The following PEAR1 variants were observed in gnomAD, a reference collection of about 807,000 sequenced individuals.
The protein encoded by PEAR1 is platelet endothelial aggregation receptor 1, also known as multiple EGF-like domains protein 12.
In PEAR1, 113 loss-of-function variants were observed where a neutral mutation model predicts 131.2. The ratio of observed to expected loss-of-function variants is 0.86; its 90% CI spans 0.74 to 1.01. The LOEUF (loss-of-function observed/expected upper bound fraction) is 1.01. Among genes scored for constraint, PEAR1 ranks in the 50% least tolerant of loss-of-function variants. The pLI, the probability that PEAR1 is intolerant of heterozygous loss-of-function variation, is 0.00. For missense variants in PEAR1, 1,408 were observed against 1,391.1 expected, an observed-to-expected ratio of 1.01 and a Z score of -0.19; for synonymous variants, 565 against 523.3, an observed-to-expected ratio of 1.08 and a Z score of -1.09.
intron 1 of PEAR1, among the ~76,000 whole-genome samples, chr1:156,899,826 G>A (rs970146014): frequency 1.3e-5 from 2 of 152,158 alleles, no homozygotes; most frequent in African/African-American, 2.4e-5. Context: ...GGCAGGGGTT[G>A]GGGGTGCAGA....
At position 156,906,830 on chromosome 1, in the gene PEAR1, C is replaced by T. The variant is rs757527790; in HGVS notation, c.594C>T (p.Cys198=). The change falls in exon 6 of 23, where the codon TGC becomes TGT. Residue 198 remains cysteine, a synonymous_variant. Transcript: ENST00000292357. ...QFRCQCHGAP[C]DPQTGACFCP... is the part of the protein sequence containing the mutation. ...GCTGCCAGTGCCATGGGGCACCCTG[C>T]GATCCCCAGACTGGAGCCTGCTTCT... 27 of 1,614,050 alleles carry T rather than the reference C, an allele frequency of 1.7e-5. No homozygotes were observed. The highest frequency in any genetic ancestry group is 5.3e-5 in the African/African-American group (4 of 74,948).
At chr1:156,905,086 G>GGC (rs1314102544) in intron 3 of PEAR1, 1 of 1,365,454 alleles carries the variant, frequency 7.3e-7, no homozygotes. Context: ...TGGGGTTGGG[G>GGC]GGGGGGCAAG....
At chr1:156,896,035 T>TCA (rs1649128771) in intron 1 of PEAR1, among the ~76,000 whole-genome samples, 2 of 152,048 alleles carry the variant, frequency 1.3e-5, no homozygotes. Flanking sequence ...TGAGCCATGA[T>TCA]CACGCCACTG....
Position 156,912,871 on chromosome 1 carries a change from C to G in PEAR1, c.2311C>G (p.Leu771Val), listed in dbSNP as rs1418083325. Residue 771 changes from leucine (L) to valine (V), a missense_variant, in exon 18 of 23, where the codon CTG becomes GTG. Transcript: ENST00000292357. ...AGTGCTGGGGTCCCTTGTGGTAGCC[C>G]TGGTGGCACTGTTCATTGGCTATCG... ...IAVLGSLVVA[L>V]VALFIGYRHW... 3 of 1,614,108 alleles carry G rather than the reference C, an allele frequency of 1.9e-6. No individual in the cohort carries two copies. The highest frequency in any genetic ancestry group is 2.5e-6 in the Non-Finnish European group (3 of 1,180,046).
chr1:156,915,453 G>C lies in PEAR1; in HGVS notation c.*655G>C, dbSNP rs1651776128. 1 of 152,198 alleles carries C rather than the reference G, an allele frequency of 6.6e-6. No homozygotes were observed. 9.4% of individuals were successfully genotyped at this position (152,198 alleles called of 1,614,324 possible). A position where few individuals can be genotyped will look rare whatever the true frequency, so the allele number is the denominator to read the frequency against. ...CAGCCTCACCTTGAACTGTGTTCCT[G>C]TCACTGCACGCCAGTCACACCGGCC... On this transcript the variant is annotated 3_prime_UTR_variant, in exon 23 of 23. Transcript: ENST00000292357.
chr1:156,896,296 C>A (rs1246225607), intron 1 of PEAR1, among the ~76,000 whole-genome samples: 1 of 152,142 alleles, frequency 6.6e-6, no homozygotes, highest in Non-Finnish European at 1.5e-5. Flanking sequence ...TTTAACGAGG[C>A]GCAGTAATTA....
rs1457799414 is a variant in PEAR1, at chr1:156,908,145, C to T, written c.920C>T (p.Pro307Leu). Reference sequence around the variant, plus strand: ...GTGCCCAGGTGCCGGGAGGAGTGCCCGGTGGGCCGCTTTGGGCAGGACTGT... The same window carrying T: ...GTGCCCAGGTGCCGGGAGGAGTGCCTGGTGGGCCGCTTTGGGCAGGACTGT... Reference protein sequence around the residue: ...YTGDRCREECPVGRFGQDCAE... With the variant: ...YTGDRCREECLVGRFGQDCAE... The change falls in exon 9 of 23, where the codon CCG (proline) becomes CTG (leucine). Residue 307 changes from proline to leucine, a missense_variant. By Grantham distance (98) the Pro-to-Leu change is moderately conservative. Coordinates refer to ENST00000292357, the MANE Select transcript of PEAR1 (RefSeq NM_001080471.3). This position sits in a 1 kb window ranked among gnomAD's most constrained non-coding sequence, Gnocchi z 4.2. 3 of 1,598,120 alleles carry T rather than the reference C, an allele frequency of 1.9e-6. No homozygotes were observed. Among genetic ancestry groups the T allele is most frequent in the Admixed American group, 1.7e-5 (1 of 59,548 alleles).
chr1:156,912,581 G>C lies in PEAR1; in HGVS notation c.2168G>C (p.Cys723Ser). 2 of 1,614,068 alleles carry C rather than the reference G, an allele frequency of 1.2e-6. No homozygotes were observed. Among genetic ancestry groups the C allele is most frequent in the Non-Finnish European group, 8.5e-7 (1 of 1,180,016 alleles). The change falls in exon 17 of 23, where the codon TGT becomes TCT. Residue 723 changes from cysteine to serine, a missense_variant. By Grantham distance (112) the Cys-to-Ser change is moderately radical. Coordinates refer to ENST00000292357, the MANE Select transcript of PEAR1 (RefSeq NM_001080471.3). ...AAGTGCCACCCAGAGACTGGGGCCT[G>C]TGTATGTCCCCCAGGGCACAGTGGT... ...GEKCHPETGA[C>S]VCPPGHSGAP...
intron 22 of PEAR1, 133 bp from the exon 23 acceptor site, chr1:156,914,514 G>A (rs1651663809): frequency 1.2e-6 from 1 of 856,714 alleles, no homozygotes; most frequent in South Asian, 1.9e-5. Flanking sequence ...GTAAACTGGT[G>A]TATGTATCCA....
intron 18 of PEAR1, 31 bp downstream of exon 18, chr1:156,913,013 G>T: frequency 1.2e-6 from 2 of 1,612,004 alleles, no homozygotes; most frequent in South Asian, 2.2e-5. Context: ...GGGCACAGAT[G>T]AGTGGCTGGC....
At chr1:156,907,091 C>T (rs778096166) in intron 6 of PEAR1, among the ~76,000 whole-genome samples, 4 of 152,108 alleles carry the variant, frequency 2.6e-5, no homozygotes, top group African/African-American at 7.2e-5. Flanking sequence ...GTCTGTAAAA[C>T]GGGAATAGTA....
chr1:156,906,434 AC>A, intron 5 of PEAR1, 66 bp downstream of exon 5: 1 of 1,582,298 alleles, frequency 6.3e-7, no homozygotes, highest in South Asian at 1.1e-5. Context: ...CCTCAGGTAC[AC>A]CCTCCCTACC....
At chr1:156,905,015 T>C (rs1325492941) in intron 3 of PEAR1, 163 bp downstream of exon 3, 1 of 1,548,598 alleles carries the variant, frequency 6.5e-7, no homozygotes, top group Non-Finnish European at 8.7e-7. Context: ...GTGTATGGGA[T>C]GTATATGTGA....
Position 156,908,480 on chromosome 1 carries a change from A to G in PEAR1, c.1115+140A>G. ...AAAGGGAGGGACCTCAGGGGCCGGG[A>G]GGGGCCTGGGGTACCGCTACTTGCC... On this transcript the variant is annotated intron_variant, in intron 9 of 22. Transcript: ENST00000292357. This position sits in a 1 kb window ranked among gnomAD's most constrained non-coding sequence, Gnocchi z 4.2. The G allele has an allele frequency of 3.2e-6, 4 of 1,237,434 alleles. No homozygotes were observed. Among genetic ancestry groups the G allele is most frequent in the Non-Finnish European group, 4.4e-6 (4 of 919,464 alleles). 76.7% of individuals were successfully genotyped at this position (1,237,434 alleles called of 1,614,324 possible). A position where few individuals can be genotyped will look rare whatever the true frequency, so the allele number is the denominator to read the frequency against.
In PEAR1 at chr1:156,912,345, C is replaced by A. The variant is rs1429544774; in HGVS notation, c.2050C>A (p.Leu684Ile). ...HPQDGSCICP[L>I]GWTGHHCLEG... ...CCAGGATGGGAGCTGTATCTGCCCC[C>A]TAGGCTGGACTGGACACCACTGCTT... is the stretch of plus-strand genomic sequence containing the variant. The change falls in exon 16 of 23, where the codon CTA (leucine) becomes ATA (isoleucine). Residue 684 changes from leucine (L) to isoleucine (I), a missense_variant. Transcript: ENST00000292357. 2.5e-6 allele frequency: 4 copies of A among 1,613,826 alleles called. No homozygotes were observed. Among genetic ancestry groups the A allele is most frequent in the Non-Finnish European group, 3.4e-6 (4 of 1,179,906 alleles).
intron 4 of PEAR1, among the ~76,000 whole-genome samples, chr1:156,905,906 C>T (rs1165953073): frequency 6.6e-6 from 1 of 152,154 alleles, no homozygotes; most frequent in Admixed American, 6.5e-5. Flanking sequence ...TCCTCTTCCT[C>T]CCACTTCCCT....
Position 156,908,899 on chromosome 1 carries a change from C to G in PEAR1, c.1291-17C>G, listed in dbSNP as rs750800610. ...CAAGGAATGGGCCGCCCCTCTCACC[C>G]GCTCACCCTCTTTCAGGGCCCTCAC... On this transcript the variant is annotated splice_polypyrimidine_tract_variant and intron_variant, in intron 10 of 22. Coordinates refer to ENST00000292357, the MANE Select transcript of PEAR1 (RefSeq NM_001080471.3). The surrounding 1 kb of genome is among the most constrained non-coding windows in gnomAD (Gnocchi z 4.2). 3 of 1,612,032 alleles carry G rather than the reference C, an allele frequency of 1.9e-6. No individual in the cohort carries two copies. Among genetic ancestry groups the G allele is most frequent in the African/African-American group, 1.3e-5 (1 of 75,066 alleles).
intron 1 of PEAR1, among the ~76,000 whole-genome samples, chr1:156,894,383 G>A (rs1309122519): frequency 2.6e-5 from 4 of 152,240 alleles, no homozygotes; most frequent in Non-Finnish European, 5.9e-5. Context: ...TGAGGCTTAA[G>A]TGAGCAAAAA....
chr1:156,913,411 C>T lies in PEAR1; in HGVS notation c.2532C>T (p.Ala844=). The T allele has an allele frequency of 5.0e-6, 8 of 1,613,936 alleles. No homozygotes were observed. Among genetic ancestry groups the T allele is most frequent in the Non-Finnish European group, 5.9e-6 (7 of 1,179,994 alleles). ...PPNKVPGPLF[A]SLQNPERPGG... is the part of the protein sequence containing the mutation. ...CTTAGGTTCCAGGCCCGCTCTTTGCCAGCCTGCAGAACCCTGAGCGGCCAG... is the reference window on the plus strand; with the variant it reads ...CTTAGGTTCCAGGCCCGCTCTTTGCTAGCCTGCAGAACCCTGAGCGGCCAG... Residue 844 remains alanine, a synonymous_variant, in exon 20 of 23, where the codon GCC becomes GCT. Coordinates refer to ENST00000292357, the MANE Select transcript of PEAR1 (RefSeq NM_001080471.3).
Sources: allele counts gnomAD v4.1 joint callset (sites outside exome capture counted in the v4.1 genomes callset), GRCh38; gene constraint gnomAD v4.1.1; non-coding constraint Gnocchi (gnomAD v3.1); transcripts MANE v1.5; gene names NCBI Gene and HGNC (gene_info 2026-07-23, HGNC 2026-07-21).